The following CDH7 variants were observed in gnomAD, a reference collection of about 807,000 sequenced individuals.
The protein encoded by CDH7 is cadherin-7.
A neutral mutation model predicts 71.8 loss-of-function variants in CDH7; 25 were observed. The observed-to-expected ratio is 0.35, with a 90% CI of 0.25 to 0.49. The LOEUF (loss-of-function observed/expected upper bound fraction) is 0.49, where lower values mean the gene tolerates loss of function less well. CDH7 is among the 20% of genes least tolerant of loss of function. CDH7 has a pLI of 0.99. For synonymous variants in CDH7, 381 were observed against 363.8 expected (o/e 1.05, Z -0.54); for missense variants, 862 against 974.6 (o/e 0.88, Z 1.54).
intron 2 of CDH7, among the ~76,000 whole-genome samples, chr18:65,808,116 G>C (rs1429188967): frequency 6.6e-6 from 1 of 152,192 alleles, no homozygotes; most frequent in Admixed American, 6.5e-5. Context: ...ATTAAGGGCA[G>C]ATGTGAATAT....
rs776169892 is a variant in CDH7 at position 65,862,970 on chromosome 18, G to C, written c.1864+53G>C. ...GAAAGAGCTGTCACAATAACCACAT[G>C]TCACGACTTGCCTATTATCTTCTCC... is the stretch of plus-strand genomic sequence containing the variant. On this transcript the variant is annotated intron_variant, in intron 11 of 11. Coordinates refer to ENST00000397968, the MANE Select transcript of CDH7 (RefSeq NM_004361.5). The C allele has an allele frequency of 3.2e-6, 5 of 1,568,132 alleles. No individual in the cohort carries two copies. In the Admixed American group the frequency reaches 8.7e-5, roughly 27 times the overall value.
intron 7 of CDH7, among the ~76,000 whole-genome samples, chr18:65,856,319 G>A (rs1913354053): frequency 6.6e-6 from 1 of 152,118 alleles, no homozygotes; most frequent in South Asian, 2.1e-4. Context: ...GTATTGCAAT[G>A]TAATATCCAT....
At chr18:65,774,658 A>T (rs558766634) in intron 2 of CDH7, among the ~76,000 whole-genome samples, 2 of 152,112 alleles carry the variant, frequency 1.3e-5, no homozygotes, top group South Asian at 2.1e-4. Context: ...AGCTACTCTC[A>T]TATCTCAGAT....
intron 11 of CDH7, among the ~76,000 whole-genome samples, chr18:65,870,256 G>A (rs1005925536): frequency 2.6e-5 from 4 of 152,112 alleles, no homozygotes; most frequent in Admixed American, 2.6e-4. Flanking sequence ...AAAAGTAGTA[G>A]AGTTGGTCCA....
At chr18:65,866,727 T>C (rs1913773827) in intron 11 of CDH7, among the ~76,000 whole-genome samples, 1 of 152,184 alleles carries the variant, frequency 6.6e-6, no homozygotes, top group South Asian at 2.1e-4. Context: ...GCTGAAATAA[T>C]TCATGTTATC....
intron 1 of CDH7, among the ~76,000 whole-genome samples, chr18:65,755,898 T>G (rs1414568487): frequency 6.6e-6 from 1 of 152,042 alleles, no homozygotes; most frequent in Non-Finnish European, 1.5e-5. Flanking sequence ...AGTCTCTTCA[T>G]GGAATTTAAA....
chr18:65,860,894 C>T (rs185004507), intron 10 of CDH7, among the ~76,000 whole-genome samples: 18 of 152,216 alleles, frequency 1.2e-4, no homozygotes, highest in Non-Finnish European at 2.5e-4. Context: ...AATGAGAATA[C>T]TATTGTGTCC....
In CDH7 at chr18:65,880,811, T is replaced by C; in HGVS notation, c.2275T>C (p.Tyr759His). 1 of 1,614,112 alleles carries C rather than the reference T, an allele frequency of 6.2e-7. No individual in the cohort carries two copies. Among genetic ancestry groups the C allele is most frequent in the South Asian group, 1.1e-5 (1 of 91,078 alleles). ...DSISSNSDQN[Y>H]DYLSDWGPRF... ...CATCAGCTCAAACTCTGATCAGAACTATGACTACCTAAGTGACTGGGGACC... is the reference window on the plus strand; with the variant it reads ...CATCAGCTCAAACTCTGATCAGAACCATGACTACCTAAGTGACTGGGGACC... The change falls in exon 12 of 12, where the codon TAT becomes CAT. Residue 759 changes from tyrosine to histidine, a missense_variant. By Grantham distance (83) the Tyr-to-His change is moderately conservative (BLOSUM62 2). Coordinates refer to ENST00000397968, the MANE Select transcript of CDH7 (RefSeq NM_004361.5).
intron 6 of CDH7, among the ~76,000 whole-genome samples, chr18:65,833,107 G>A (rs1912410474): frequency 6.6e-6 from 1 of 152,116 alleles, no homozygotes; most frequent in South Asian, 2.1e-4. Flanking sequence ...CCTATGAAAG[G>A]CTGAATGAAG....
rs1170207484 is a variant in CDH7, at chr18:65,850,071, G to A, written c.1235+6006G>A. ...CCCAGCTACTCGGGAGGCTGAGGCTGAAGAATCTCTTGAACCCAGGAGGTG... is the reference window on the plus strand; with the variant it reads ...CCCAGCTACTCGGGAGGCTGAGGCTAAAGAATCTCTTGAACCCAGGAGGTG... On this transcript the variant is annotated intron_variant, in intron 7 of 11. Transcript: ENST00000397968. 3.3e-5 allele frequency among the ~76,000 whole-genome samples: 5 copies of A among 151,326 alleles called. No individual in the cohort carries two copies. The East Asian group carries it at 7.9e-4, about 24-fold the overall frequency.
intron 7 of CDH7, among the ~76,000 whole-genome samples, chr18:65,849,562 G>A (rs1262050413): frequency 1.3e-5 from 2 of 151,210 alleles, no homozygotes; most frequent in African/African-American, 2.4e-5. Flanking sequence ...ACAGGCATCC[G>A]CCACCACACC....
At chr18:65,856,355 G>C (rs944287299) in intron 7 of CDH7, among the ~76,000 whole-genome samples, 10 of 152,076 alleles carry the variant, frequency 6.6e-5, no homozygotes, top group Non-Finnish European at 1.3e-4. Context: ...AATAATGAGG[G>C]CTCATAGTAC....
intron 7 of CDH7, among the ~76,000 whole-genome samples, chr18:65,852,250 A>T (rs1913176358): frequency 6.6e-6 from 1 of 152,206 alleles, no homozygotes; most frequent in Non-Finnish European, 1.5e-5. Context: ...TGGCTCAAAT[A>T]GTCATGATTC....
chr18:65,820,218 T>G (rs1335287899), intron 4 of CDH7, among the ~76,000 whole-genome samples: 2 of 149,878 alleles, frequency 1.3e-5, no homozygotes, highest in East Asian at 4.0e-4. Flanking sequence ...TATAGAAAAA[T>G]TATTCACAAA....
At chr18:65,840,110 A>G (rs889878198) in intron 6 of CDH7, among the ~76,000 whole-genome samples, 7 of 152,224 alleles carry the variant, frequency 4.6e-5, no homozygotes. Flanking sequence ...ATAGTCACTA[A>G]TATTTATACT....
intron 2 of CDH7, among the ~76,000 whole-genome samples, chr18:65,796,908 G>T: frequency 6.6e-6 from 1 of 152,226 alleles, no homozygotes; most frequent in African/African-American, 2.4e-5. Context: ...GTCAAACTGT[G>T]AAATAAATGT....
At chr18:65,810,932 A>G (rs989842168) in intron 3 of CDH7, among the ~76,000 whole-genome samples, 80 of 152,268 alleles carry the variant, frequency 5.3e-4, no homozygotes, top group African/African-American at 1.5e-3. Context: ...CCAGTAAAGC[A>G]TTTCTAGTGT....
At chr18:65,793,924 G>T (rs28374142) in intron 2 of CDH7, among the ~76,000 whole-genome samples, 3,455 of 152,120 alleles carry the variant, frequency 0.023, 120 homozygotes, top group African/African-American at 0.072. Flanking sequence ...GAATAATTTT[G>T]CTATAGAATT....
intron 7 of CDH7, among the ~76,000 whole-genome samples, chr18:65,850,169 A>G (rs959264894): frequency 2.0e-4 from 3 of 14,682 alleles, no homozygotes; most frequent in Non-Finnish European, 2.8e-4. Context: ...GCCACACTAT[A>G]TATAATATAT....
Sources: gnomAD v4.1 joint callset for allele counts (sites outside exome capture counted in the v4.1 genomes callset) on GRCh38, gnomAD v4.1.1 for gene constraint, MANE v1.5 for transcripts, NCBI Gene and HGNC (gene_info 2026-07-23, HGNC 2026-07-21) for gene names.